UMAD1: variants seen among roughly 807,000 people sequenced by gnomAD.
UMAD1 encodes UBAP1-MVB12-associated (UMA) domain containing 1.
In UMAD1, 8 loss-of-function variants were observed where a neutral mutation model predicts 6.1. The observed-to-expected ratio is 1.30, with a 90% CI of 0.76 to 2.35. The LOEUF (loss-of-function observed/expected upper bound fraction) is 2.35. UMAD1 is among the 30% of genes most tolerant of loss of function. The pLI is 0.00. For synonymous variants in UMAD1, 56 were observed against 31.4 expected (o/e 1.78, Z -2.61); for missense variants, 130 against 78.4 (o/e 1.66, Z -2.49).
intron 2 of UMAD1, among the ~76,000 whole-genome samples, chr7:7,778,530 CTT>C (rs968920979): frequency 6.6e-5 from 10 of 151,818 alleles, no homozygotes; most frequent in African/African-American, 1.9e-4. Context: ...ATCATCCAAT[CTT>C]AGCCTCCTGA....
At chr7:7,844,526 C>T (rs996749649) in intron 3 of UMAD1, among the ~76,000 whole-genome samples, 1 of 152,154 alleles carries the variant, frequency 6.6e-6, no homozygotes, top group Non-Finnish European at 1.5e-5. Context: ...TCCCCAACAT[C>T]ACTGTGTTGG....
At chr7:7,806,323 G>A (rs552715623) in intron 3 of UMAD1, among the ~76,000 whole-genome samples, 54 of 150,386 alleles carry the variant, frequency 3.6e-4, no homozygotes, top group African/African-American at 1.3e-3. Flanking sequence ...CTGTTCTAAT[G>A]TCACTTCCTT....
chr7:7,826,115 A>G (rs1783336036), intron 3 of UMAD1, among the ~76,000 whole-genome samples: 2 of 152,144 alleles, frequency 1.3e-5, no homozygotes, highest in African/African-American at 2.4e-5. Context: ...GAACCTAAGG[A>G]TACAGAGGGC....
intron 3 of UMAD1, among the ~76,000 whole-genome samples, chr7:7,817,599 G>T (rs374645895): frequency 2.0e-5 from 3 of 152,148 alleles, no homozygotes; most frequent in African/African-American, 7.2e-5. Context: ...GCTGAATGAT[G>T]ATTCTAATTC....
At chr7:7,793,615 G>C (rs1782612737) in intron 2 of UMAD1, among the ~76,000 whole-genome samples, 1 of 152,112 alleles carries the variant, frequency 6.6e-6, no homozygotes, top group African/African-American at 2.4e-5. Context: ...AACTATTCTG[G>C]AATCAGAATC....
At chr7:7,821,030 G>T (rs1448839697) in intron 3 of UMAD1, among the ~76,000 whole-genome samples, 1 of 152,102 alleles carries the variant, frequency 6.6e-6, no homozygotes, top group African/African-American at 2.4e-5. Flanking sequence ...ACTTTTTTAG[G>T]ATTCAATTCC....
At chr7:7,692,735 G>A (rs761532988) in intron 2 of UMAD1, among the ~76,000 whole-genome samples, 3 of 151,936 alleles carry the variant, frequency 2.0e-5, no homozygotes, top group African/African-American at 7.3e-5. Flanking sequence ...TCAGCCTCCC[G>A]AGTAGTTGGG....
chr7:7,645,787 G>A (rs1785080258), intron 1 of UMAD1, among the ~76,000 whole-genome samples: 1 of 150,292 alleles, frequency 6.7e-6, no homozygotes, highest in Non-Finnish European at 1.5e-5. Flanking sequence ...ATATATTCCT[G>A]GATTTGATTT....
At position 7,674,985 on chromosome 7, in the gene UMAD1, T is replaced by C. The variant is rs1477025167; in HGVS notation, c.82+1532T>C. On this transcript the variant is annotated intron_variant, in intron 2 of 3. Coordinates refer to ENST00000682710, the MANE Select transcript of UMAD1 (RefSeq NM_001302348.2). ...AACACATATACAGGGAACTCTGCTTTTTTCTGTTGTTTTTATTATATATGT... is the reference window on the plus strand; with the variant it reads ...AACACATATACAGGGAACTCTGCTTCTTTCTGTTGTTTTTATTATATATGT... 3.3e-5 allele frequency among the ~76,000 whole-genome samples: 5 copies of C among 152,152 alleles called. No individual in the cohort carries two copies. The East Asian group carries it at 9.6e-4, about 29-fold the overall frequency.
At chr7:7,687,187 C>T (rs924558592) in intron 2 of UMAD1, 1 of 152,162 alleles carries the variant, frequency 6.6e-6, no homozygotes, top group Non-Finnish European at 1.5e-5. Flanking sequence ...TATTTAAGTT[C>T]TGTCATTTAC....
intron 2 of UMAD1, among the ~76,000 whole-genome samples, chr7:7,793,074 C>T (rs2115265684): frequency 6.6e-6 from 1 of 152,302 alleles, no homozygotes; most frequent in Non-Finnish European, 1.5e-5. Context: ...TTCTCTGATG[C>T]TGAACGAGCG....
intron 3 of UMAD1, among the ~76,000 whole-genome samples, chr7:7,854,511 G>A (rs115954627): frequency 0.044 from 6,732 of 152,034 alleles, 415 homozygotes; most frequent in East Asian, 0.24. Flanking sequence ...AATGCCGGAC[G>A]CATATAAAAC....
intron 2 of UMAD1, among the ~76,000 whole-genome samples, chr7:7,677,012 T>C (rs1779758098): frequency 2.6e-5 from 4 of 152,158 alleles, no homozygotes; most frequent in Admixed American, 2.0e-4. Context: ...CTGGAAAAAG[T>C]CAAGTAGATC....
At chr7:7,681,098 A>G (rs375283766) in intron 2 of UMAD1, among the ~76,000 whole-genome samples, 3 of 152,304 alleles carry the variant, frequency 2.0e-5, no homozygotes, top group African/African-American at 7.2e-5. Context: ...TATAAACATG[A>G]TTATATTTGT....
intron 3 of UMAD1, among the ~76,000 whole-genome samples, chr7:7,846,007 G>A (rs1783776006): frequency 6.6e-6 from 1 of 152,086 alleles, no homozygotes; most frequent in African/African-American, 2.4e-5. Context: ...TGTGAGAACA[G>A]TCTATCTTTG....
chr7:7,745,309 T>C (rs1205431205), intron 2 of UMAD1, among the ~76,000 whole-genome samples: 1 of 152,164 alleles, frequency 6.6e-6, no homozygotes, highest in Non-Finnish European at 1.5e-5. Flanking sequence ...ACCTGTGTTG[T>C]TCAAGGGTCA....
rs886298472 is a variant in UMAD1, at chr7:7,781,885, A to G, written c.83-19785A>G. Among the ~76,000 whole-genome samples the G allele has an allele frequency of 5.3e-5, 8 of 152,140 alleles. No homozygotes were observed. In the East Asian group the frequency reaches 1.5e-3, roughly 29 times the overall value. The stretch of plus-strand genomic sequence containing the variant: ...GGTAACCTTGAAAAAATTAAAAAAT[A>G]GAAATGTAGAATTCTGATCTGTTCT... On this transcript the variant is annotated intron_variant, in intron 2 of 3. Transcript: ENST00000682710.
chr7:7,819,979 A>C (rs1445367019), intron 3 of UMAD1, among the ~76,000 whole-genome samples: 1 of 152,210 alleles, frequency 6.6e-6, no homozygotes, highest in Non-Finnish European at 1.5e-5. Flanking sequence ...TCTAAGACTC[A>C]TCATATCAAG....
chr7:7,719,490 G>A (rs1781000183), intron 2 of UMAD1, among the ~76,000 whole-genome samples: 1 of 152,206 alleles, frequency 6.6e-6, no homozygotes, highest in Admixed American at 6.5e-5. Context: ...TTGCCTCTGA[G>A]CAGGTGATGG....
Sources: gnomAD v4.1 joint callset for allele counts (sites outside exome capture counted in the v4.1 genomes callset) on GRCh38, gnomAD v4.1.1 for gene constraint, MANE v1.5 for transcripts, NCBI Gene and HGNC (gene_info 2026-07-23, HGNC 2026-07-21) for gene names.